Variants in SDR42E2 observed in about 807,000 individuals in gnomAD.
The protein encoded by SDR42E2 is putative short-chain dehydrogenase/reductase family 42E member 2.
Under a neutral mutation model 10.5 loss-of-function variants are expected in SDR42E2, and 20 were observed. That is an observed-to-expected ratio of 1.90 (90% CI 1.34 to 2.77). The LOEUF (loss-of-function observed/expected upper bound fraction) is 2.77, where lower values mean the gene tolerates loss of function less well. Ranked by LOEUF, SDR42E2 falls within the 30% of genes most tolerant of loss-of-function variation. SDR42E2 has a pLI of 0.00. For synonymous variants in SDR42E2, 72 were observed against 39.2 expected (o/e 1.84, Z -3.12); for missense variants, 162 against 104.2 (o/e 1.55, Z -2.42).
At chr16:22,169,335 T>C in intron 4 of SDR42E2, 110 bp from the exon 5 acceptor site, 1 of 684,798 alleles carries the variant, frequency 1.5e-6, no homozygotes. Context: ...TCCCTGCCTC[T>C]GAACTGAACA....
intron 7 of SDR42E2, among the ~76,000 whole-genome samples, chr16:22,173,276 ATGGTGTGATTT>A (rs1410595300): frequency 6.6e-6 from 1 of 152,048 alleles, no homozygotes; most frequent in Non-Finnish European, 1.5e-5. Flanking sequence ...CTGCAGTGAA[ATGGTGTGATTT>A]TGGCTCACTG....
intron 7 of SDR42E2, among the ~76,000 whole-genome samples, chr16:22,176,264 G>A (rs1663039786): frequency 6.6e-6 from 1 of 152,066 alleles, no homozygotes; most frequent in Non-Finnish European, 1.5e-5. Context: ...GCCTGTAGGT[G>A]CACACCATGG....
chr16:22,177,832 CCTTTGTG>C (rs1335847811), intron 7 of SDR42E2, among the ~76,000 whole-genome samples: 4 of 149,782 alleles, frequency 2.7e-5, no homozygotes, highest in Non-Finnish European at 5.9e-5. Flanking sequence ...CTGGCTCTTA[CCTTTGTG>C]ACTGCACTGT....
At chr16:22,167,859 C>CA (rs1271328803) in intron 4 of SDR42E2, among the ~76,000 whole-genome samples, 6 of 151,792 alleles carry the variant, frequency 4.0e-5, no homozygotes, top group Non-Finnish European at 8.8e-5. Flanking sequence ...TGTTTGTTTC[C>CA]AAAAAAAGCT....
In SDR42E2 at chr16:22,166,299, G is replaced by A; in HGVS notation, c.105G>A (p.Lys35=). 2.5e-6 allele frequency: 1 copy of A among 402,144 alleles called. No homozygotes were observed. Among genetic ancestry groups the A allele is most frequent in the Admixed American group, 4.4e-5 (1 of 22,766 alleles). 24.9% of individuals were successfully genotyped at this position (402,144 alleles called of 1,614,324 possible). A position where few individuals can be genotyped will look rare whatever the true frequency, so the allele number is the denominator to read the frequency against. The change falls in exon 3 of 13, where the codon AAG becomes AAA. Residue 35 remains lysine (K), a synonymous_variant. Coordinates refer to ENST00000602312, the MANE Select transcript of SDR42E2 (RefSeq NM_001394319.2). ...QAKPTKAARQ[K]VLVTGGGGYL... is the part of the protein sequence containing the mutation. ...AACCTACAAAGGCTGCCAGGCAGAAGGTTCTAGTGACTGGAGGAGGAGGCT... is the reference window on the plus strand; with the variant it reads ...AACCTACAAAGGCTGCCAGGCAGAAAGTTCTAGTGACTGGAGGAGGAGGCT...
At chr16:22,164,474 G>A (rs553737683) in intron 1 of SDR42E2, among the ~76,000 whole-genome samples, 151 of 152,250 alleles carry the variant, frequency 9.9e-4, no homozygotes, top group Non-Finnish European at 1.5e-3. Flanking sequence ...TGGAAGGATC[G>A]CTTGAGCACA....
chr16:22,169,757 G>A (rs974520379), intron 5 of SDR42E2, among the ~76,000 whole-genome samples: 19 of 152,332 alleles, frequency 1.2e-4, no homozygotes, highest in East Asian at 1.9e-4. Flanking sequence ...CTGGCTGGGC[G>A]TGGTGGCTCA....
At chr16:22,164,528 C>T (rs1037923414) in intron 1 of SDR42E2, among the ~76,000 whole-genome samples, 8 of 152,174 alleles carry the variant, frequency 5.3e-5, no homozygotes, top group Non-Finnish European at 1.0e-4. Flanking sequence ...CACTGCACTC[C>T]AGCCTGGGCG....
In SDR42E2 at chr16:22,190,680, T is replaced by A; in HGVS notation, c.*287T>A. 1 of 347,368 alleles carries A rather than the reference T, an allele frequency of 2.9e-6. No individual in the cohort carries two copies. The highest frequency in any genetic ancestry group is 5.1e-6 in the Non-Finnish European group (1 of 197,860). 21.5% of individuals were successfully genotyped at this position (347,368 alleles called of 1,614,324 possible). On this transcript the variant is annotated 3_prime_UTR_variant, in exon 13 of 13. Coordinates refer to ENST00000602312, the MANE Select transcript of SDR42E2 (RefSeq NM_001394319.2). ...CCCTCCGAAGTGGGCACGCTCCTGC[T>A]CCGCCCCCTGAATCCTGGCCACGTC... is the stretch of plus-strand genomic sequence containing the variant.
At position 22,166,485 on chromosome 16, in the gene SDR42E2, G is replaced by A. The variant is rs914708276; in HGVS notation, c.240+51G>A. 7.5e-6 allele frequency: 3 copies of A among 402,550 alleles called. No individual in the cohort carries two copies. In the East Asian group the frequency reaches 1.1e-4, roughly 14 times the overall value. 24.9% of individuals were successfully genotyped at this position (402,550 alleles called of 1,614,324 possible). A position where few individuals can be genotyped will look rare whatever the true frequency, so the allele number is the denominator to read the frequency against. ...ACTGGGGCAGTGGTGATGGTCAGGG[G>A]ACAGTGTTTGATGTGAAACCTGTGG... On this transcript the variant is annotated intron_variant, in intron 3 of 12. Transcript: ENST00000602312.
At chr16:22,189,612 G>A (rs1386422155) in intron 12 of SDR42E2, among the ~76,000 whole-genome samples, 1 of 152,200 alleles carries the variant, frequency 6.6e-6, no homozygotes, top group African/African-American at 2.4e-5. Context: ...AGAGCAATCA[G>A]TTCTGCATAA....
chr16:22,167,174 T>TGG (rs1567237220), intron 4 of SDR42E2, among the ~76,000 whole-genome samples, 175 bp downstream of exon 4: 12 of 91,970 alleles, frequency 1.3e-4, no homozygotes, highest in African/African-American at 4.8e-4. Context: ...CATTTTTTTT[T>TGG]TTTTTTTTTT....
At position 22,167,577 on chromosome 16, in the gene SDR42E2, A is replaced by G. The variant is rs533451496; in HGVS notation, c.336+578A>G. ...TCATCTGGAAAGTGAGGATATTACT[A>G]TTGGTAATATCACAACCTCTTCAGA... On this transcript the variant is annotated intron_variant, in intron 4 of 12. Transcript: ENST00000602312. 1.5e-4 allele frequency among the ~76,000 whole-genome samples: 23 copies of G among 152,234 alleles called. No homozygotes were observed. In the South Asian group the frequency reaches 4.8e-3, roughly 32 times the overall value.
chr16:22,175,981 A>T (rs2046641671), intron 7 of SDR42E2, among the ~76,000 whole-genome samples: 1 of 151,920 alleles, frequency 6.6e-6, no homozygotes, highest in Admixed American at 6.6e-5. Flanking sequence ...CGACAGAGCA[A>T]GACTCTATTA....
chr16:22,190,320 T>C lies in SDR42E2; in HGVS notation c.1196T>C (p.Phe399Ser). The change falls in exon 13 of 13, where the codon TTC (phenylalanine) becomes TCC (serine). Residue 399 changes from phenylalanine (F) to serine (S), a missense_variant. Phe to Ser is a radical substitution (Grantham distance 155, BLOSUM62 -2). Transcript: ENST00000602312. Reference protein sequence around the residue: ...LLRLLLRLLLFLGLLALALHF... With the variant: ...LLRLLLRLLLSLGLLALALHF... Reference sequence around the variant, plus strand: ...CGCCTGCTGCTCAGGCTGCTGCTGTTCCTCGGCTTGCTCGCCCTGGCCCTG... The same window carrying C: ...CGCCTGCTGCTCAGGCTGCTGCTGTCCCTCGGCTTGCTCGCCCTGGCCCTG... The C allele has an allele frequency of 2.5e-6, 1 of 402,564 alleles. No individual in the cohort carries two copies. Among genetic ancestry groups the C allele is most frequent in the South Asian group, 1.2e-4 (1 of 8,432 alleles). The allele number at this position is 402,564 out of a possible 1,614,324, so 24.9% of individuals were successfully genotyped here.
chr16:22,169,901 G>A (rs900136716), intron 5 of SDR42E2, among the ~76,000 whole-genome samples: 37 of 151,948 alleles, frequency 2.4e-4, no homozygotes, highest in Non-Finnish European at 4.4e-4. Flanking sequence ...GCGTGGTGGC[G>A]GGTGCCTGCA....
intron 1 of SDR42E2, among the ~76,000 whole-genome samples, chr16:22,165,127 G>T (rs928115377): frequency 2.0e-5 from 3 of 152,104 alleles, no homozygotes; most frequent in African/African-American, 7.2e-5. Flanking sequence ...TCATTCTATT[G>T]CCCAGACTGG....
intron 7 of SDR42E2, among the ~76,000 whole-genome samples, chr16:22,175,540 C>CTTTT (rs759069697): frequency 2.2e-5 from 3 of 137,038 alleles, no homozygotes; most frequent in Admixed American, 1.5e-4. Flanking sequence ...ACACTCCTTC[C>CTTTT]TTTTTTTTTT....
chr16:22,174,820 G>A (rs910808799), intron 7 of SDR42E2, among the ~76,000 whole-genome samples: 5 of 151,992 alleles, frequency 3.3e-5, no homozygotes, highest in South Asian at 2.1e-4. Context: ...TCAATGCCCC[G>A]CCTGCCAACG....
Sources: allele counts gnomAD v4.1 joint callset (sites outside exome capture counted in the v4.1 genomes callset), GRCh38; gene constraint gnomAD v4.1.1; transcripts MANE v1.5; gene names NCBI Gene and HGNC (gene_info 2026-07-23, HGNC 2026-07-21).